TBC1D4: variants seen among roughly 807,000 people sequenced by gnomAD.
The protein encoded by TBC1D4 is TBC1 domain family member 4, also known as TBC (Tre-2, BUB2, CDC16) domain-containing protein.
A neutral mutation model predicts 142.5 loss-of-function variants in TBC1D4; 121 were observed. That is an observed-to-expected ratio of 0.85 (90% CI 0.73 to 0.99). The LOEUF is 0.99. Ranked by LOEUF, TBC1D4 falls within the 50% of genes least tolerant of loss-of-function variation. TBC1D4 has a pLI of 0.00. For synonymous variants in TBC1D4, 630 were observed against 628.2 expected (o/e 1.00, Z -0.04); for missense variants, 1,475 against 1,606.6 (o/e 0.92, Z 1.40).
chr13:75,389,005 T>C (rs1393919850), intron 1 of TBC1D4, among the ~76,000 whole-genome samples: 1 of 152,250 alleles, frequency 6.6e-6, no homozygotes, highest in African/African-American at 2.4e-5. Context: ...GGTTTACTGA[T>C]ATCTGCTTCA....
intron 1 of TBC1D4, among the ~76,000 whole-genome samples, chr13:75,402,993 T>C (rs1885173291): frequency 6.6e-6 from 1 of 152,202 alleles, no homozygotes; most frequent in Non-Finnish European, 1.5e-5. Flanking sequence ...AGTTCCACAG[T>C]CCAGTTTCAC....
chr13:75,361,897 T>C (rs1882552036), intron 2 of TBC1D4, 129 bp downstream of exon 2: 1 of 1,140,200 alleles, frequency 8.8e-7, no homozygotes, highest in Non-Finnish European at 1.3e-6. Context: ...CTTATCTGCT[T>C]TGAAGGGGAA....
At chr13:75,449,053 T>TAC (rs1429550886) in intron 1 of TBC1D4, among the ~76,000 whole-genome samples, 1 of 151,530 alleles carries the variant, frequency 6.6e-6, no homozygotes, top group African/African-American at 2.4e-5. Flanking sequence ...TATATATATA[T>TAC]AATTATATAC....
intron 12 of TBC1D4, among the ~76,000 whole-genome samples, chr13:75,316,106 C>T (rs9530420): frequency 0.74 from 112,516 of 152,038 alleles, 44,761 homozygotes; most frequent in South Asian, 0.95. Flanking sequence ...CAGAGGACTC[C>T]GAAATGTTTA....
intron 1 of TBC1D4, among the ~76,000 whole-genome samples, chr13:75,394,772 G>A (rs1349538971): frequency 6.6e-6 from 1 of 152,192 alleles, no homozygotes. Context: ...CAATGATTCT[G>A]AGCACTGCAA....
At chr13:75,378,121 T>G (rs1883625135) in intron 1 of TBC1D4, among the ~76,000 whole-genome samples, 1 of 152,178 alleles carries the variant, frequency 6.6e-6, no homozygotes, top group Non-Finnish European at 1.5e-5. Flanking sequence ...ACTCCATATC[T>G]TTTGCTCAAT....
At chr13:75,355,497 T>C (rs1881968480) in intron 4 of TBC1D4, among the ~76,000 whole-genome samples, 2 of 152,214 alleles carry the variant, frequency 1.3e-5, no homozygotes, top group Non-Finnish European at 2.9e-5. Context: ...ATATATCTTT[T>C]AATCAGCAAT....
chr13:75,409,062 C>G (rs1885476758), intron 1 of TBC1D4, among the ~76,000 whole-genome samples: 1 of 152,046 alleles, frequency 6.6e-6, no homozygotes, highest in Non-Finnish European at 1.5e-5. Flanking sequence ...CACACACTCA[C>G]ATACATACAT....
chr13:75,361,958 C>G, intron 2 of TBC1D4, 68 bp downstream of exon 2: 2 of 1,556,626 alleles, frequency 1.3e-6, no homozygotes, highest in South Asian at 2.2e-5. Context: ...CTGGGAGGAA[C>G]TGGATGCCCA....
chr13:75,329,569 C>T (rs1879575236), intron 8 of TBC1D4, among the ~76,000 whole-genome samples: 1 of 152,054 alleles, frequency 6.6e-6, no homozygotes, highest in African/African-American at 2.4e-5. Flanking sequence ...CACTATCAAC[C>T]TAGAAATTTC....
At chr13:75,372,669 A>C (rs1883285090) in intron 1 of TBC1D4, among the ~76,000 whole-genome samples, 1 of 152,234 alleles carries the variant, frequency 6.6e-6, no homozygotes, top group Non-Finnish European at 1.5e-5. Flanking sequence ...TAAACCAAAA[A>C]AAAATTTTTT....
intron 1 of TBC1D4, chr13:75,375,704 C>A (rs1566440235): frequency 1.3e-5 from 2 of 151,474 alleles, no homozygotes; most frequent in Admixed American, 1.3e-4. Context: ...TTCCAGGGAG[C>A]AGGATACAAA....
At chr13:75,453,559 T>C (rs1309144427) in intron 1 of TBC1D4, among the ~76,000 whole-genome samples, 1 of 152,126 alleles carries the variant, frequency 6.6e-6, no homozygotes, top group Non-Finnish European at 1.5e-5. Context: ...AAAAAACATT[T>C]TCTATTTTAA....
intron 10 of TBC1D4, among the ~76,000 whole-genome samples, chr13:75,324,991 G>T (rs1468087557): frequency 6.6e-6 from 1 of 152,120 alleles, no homozygotes; most frequent in Non-Finnish European, 1.5e-5. Context: ...CTTTCACAAT[G>T]ACACAGAGAG....
Position 75,324,225 on chromosome 13 carries a change from C to G in TBC1D4, c.2198+12G>C, listed in dbSNP as rs755151822. 127 of 1,613,462 alleles carry G rather than the reference C, an allele frequency of 7.9e-5. No individual in the cohort carries two copies. The highest frequency in any genetic ancestry group is 1.0e-4 in the Non-Finnish European group (123 of 1,179,650). ...AAAATTTTGCTTTGCAAACAGAGGA[C>G]ACTGATCTCACCTGATTTCATTTTC... On this transcript the variant is annotated intron_variant, in intron 11 of 20. Coordinates refer to ENST00000377636, the MANE Select transcript of TBC1D4 (RefSeq NM_014832.5).
chr13:75,312,569 G>C (rs1293806244), intron 13 of TBC1D4, among the ~76,000 whole-genome samples, 169 bp downstream of exon 13: 1 of 152,170 alleles, frequency 6.6e-6, no homozygotes, highest in Non-Finnish European at 1.5e-5. Flanking sequence ...AGCAGGTATT[G>C]AATGCCTAAT....
chr13:75,308,417 T>C (rs1248351126), intron 14 of TBC1D4, among the ~76,000 whole-genome samples: 1 of 152,220 alleles, frequency 6.6e-6, no homozygotes, highest in Non-Finnish European at 1.5e-5. Context: ...GTTTTGGTAC[T>C]TGCTCTGCCA....
intron 1 of TBC1D4, among the ~76,000 whole-genome samples, chr13:75,372,049 C>T (rs902327256): frequency 1.7e-4 from 26 of 152,020 alleles, no homozygotes; most frequent in Non-Finnish European, 3.2e-4. Flanking sequence ...GAAAGTAAAG[C>T]ATCTCATAAA....
chr13:75,478,033 C>A (rs1297774604), intron 1 of TBC1D4, among the ~76,000 whole-genome samples: 1 of 152,188 alleles, frequency 6.6e-6, no homozygotes, highest in Admixed American at 6.5e-5. Context: ...GACTCTGACC[C>A]AAAGGGAGGT....
Sources: gnomAD v4.1 joint callset for allele counts (sites outside exome capture counted in the v4.1 genomes callset) on GRCh38, gnomAD v4.1.1 for gene constraint, MANE v1.5 for transcripts, NCBI Gene and HGNC (gene_info 2026-07-23, HGNC 2026-07-21) for gene names.